Variants in HCN1 observed in about 807,000 individuals in gnomAD.
HCN1 encodes hyperpolarization activated cyclic nucleotide gated potassium channel 1.
HCN1 carries 13 observed loss-of-function variants against 78.9 expected under a neutral mutation model. The ratio of observed to expected loss-of-function variants is 0.16; its 90% CI spans 0.11 to 0.26. The LOEUF is 0.26. Among genes scored for constraint, HCN1 ranks in the 10% least tolerant of loss-of-function variants. The probability of loss-of-function intolerance (pLI) is 1.00; values close to 1 mark genes in which losing one functional copy is unlikely to be tolerated. For synonymous variants in HCN1, 552 were observed against 455.5 expected (o/e 1.21, Z -2.70); for missense variants, 810 against 1,154.3 (o/e 0.70, Z 4.32).
At chr5:45,584,243 T>C (rs1744151200) in intron 2 of HCN1, among the ~76,000 whole-genome samples, 4 of 150,672 alleles carry the variant, frequency 2.7e-5, no homozygotes, top group South Asian at 2.1e-4. Context: ...TTTAGGATAG[T>C]TAGCTCTTCT....
At chr5:45,454,701 C>T (rs924153693) in intron 3 of HCN1, among the ~76,000 whole-genome samples, 2 of 151,908 alleles carry the variant, frequency 1.3e-5, no homozygotes, top group Non-Finnish European at 2.9e-5. Flanking sequence ...TTATGTCAAT[C>T]AGTCATTACC....
At chr5:45,347,700 G>A (rs1435187561) in intron 5 of HCN1, among the ~76,000 whole-genome samples, 2 of 152,112 alleles carry the variant, frequency 1.3e-5, no homozygotes, top group South Asian at 2.1e-4. Context: ...GCCAAGGCTC[G>A]AGAACTACGT....
rs139994186 is a variant in HCN1, at chr5:45,413,402, G to A, written c.1012-16692C>T. Among the ~76,000 whole-genome samples the A allele has an allele frequency of 1.0e-3, 152 of 152,090 alleles. 1 individual carries two copies. The East Asian group carries it at 0.024, about 24-fold the overall frequency. ...TATTGATATTCTTTGTAAACCAGTC[G>A]GTGCCTTGAGAGAATAAATAATAGC... On this transcript the variant is annotated intron_variant, in intron 3 of 7. Transcript: ENST00000303230.
chr5:45,558,725 G>C (rs1743528494), intron 2 of HCN1: 1 of 151,836 alleles, frequency 6.6e-6, no homozygotes, highest in African/African-American at 2.4e-5. Context: ...TCTACAAGTG[G>C]AATTTAAAAA....
At chr5:45,303,281 C>A (rs1745663717) in intron 6 of HCN1, among the ~76,000 whole-genome samples, 1 of 152,192 alleles carries the variant, frequency 6.6e-6, no homozygotes, top group South Asian at 2.1e-4. Flanking sequence ...GTGGAGATGA[C>A]AAAAACGAAA....
intron 4 of HCN1, among the ~76,000 whole-genome samples, chr5:45,391,199 A>G (rs2112035093): frequency 6.6e-6 from 1 of 152,298 alleles, no homozygotes; most frequent in Admixed American, 6.5e-5. Context: ...GCTTGATTGA[A>G]AGCACTTGGA....
chr5:45,438,645 C>T (rs1010683203), intron 3 of HCN1, among the ~76,000 whole-genome samples: 1 of 150,390 alleles, frequency 6.6e-6, no homozygotes, highest in African/African-American at 2.4e-5. Context: ...ACAACAAAAA[C>T]AACAAAACAC....
intron 1 of HCN1, among the ~76,000 whole-genome samples, chr5:45,687,489 A>C (rs760031524): frequency 6.6e-6 from 1 of 152,096 alleles, no homozygotes; most frequent in Non-Finnish European, 1.5e-5. Context: ...CCTAGACTTT[A>C]TCTGCTAACA....
intron 2 of HCN1, among the ~76,000 whole-genome samples, chr5:45,638,409 T>A (rs10214369): frequency 0.27 from 41,189 of 152,024 alleles, 5,681 homozygotes; most frequent in East Asian, 0.32. Flanking sequence ...TTAAGAAGGC[T>A]GAATGTTTTA....
chr5:45,272,553 C>A (rs1226671235), intron 6 of HCN1, among the ~76,000 whole-genome samples: 1 of 151,992 alleles, frequency 6.6e-6, no homozygotes, highest in African/African-American at 2.4e-5. Flanking sequence ...CTTATGCATA[C>A]CCCAATTACA....
intron 5 of HCN1, among the ~76,000 whole-genome samples, chr5:45,339,039 CT>C (rs1746520999): frequency 6.6e-6 from 1 of 152,112 alleles, no homozygotes; most frequent in Non-Finnish European, 1.5e-5. Flanking sequence ...CTGTTTTCAC[CT>C]TTACAAGGTG....
chr5:45,610,682 T>G (rs1744815552), intron 2 of HCN1, among the ~76,000 whole-genome samples: 1 of 151,212 alleles, frequency 6.6e-6, no homozygotes, highest in African/African-American at 2.4e-5. Context: ...TCTGTACTTT[T>G]GTATCCCATA....
At chr5:45,325,862 T>A (rs1746224583) in intron 5 of HCN1, among the ~76,000 whole-genome samples, 1 of 151,674 alleles carries the variant, frequency 6.6e-6, no homozygotes, top group African/African-American at 2.4e-5. Context: ...CTGTCTTATT[T>A]TTTAAAGAGA....
chr5:45,653,945 A>C (rs953191416), intron 1 of HCN1, among the ~76,000 whole-genome samples: 1 of 152,068 alleles, frequency 6.6e-6, no homozygotes, highest in African/African-American at 2.4e-5. Flanking sequence ...AAATAAATAT[A>C]ATCATTTGTT....
At chr5:45,643,668 T>C (rs1298055917) in intron 2 of HCN1, 1 of 152,156 alleles carries the variant, frequency 6.6e-6, no homozygotes, top group African/African-American at 2.4e-5. Context: ...AGTTACCTTA[T>C]TGTATTTAAT....
intron 2 of HCN1, among the ~76,000 whole-genome samples, chr5:45,616,570 A>C (rs775890319): frequency 2.0e-5 from 3 of 152,034 alleles, no homozygotes; most frequent in Admixed American, 1.3e-4. Flanking sequence ...GAACACTTTC[A>C]AAGTGATATA....
chr5:45,377,508 C>A (rs188483700), intron 4 of HCN1, among the ~76,000 whole-genome samples: 1 of 151,778 alleles, frequency 6.6e-6, no homozygotes, highest in South Asian at 2.1e-4. Flanking sequence ...TCACTTGCAA[C>A]CTAATCTTTA....
intron 7 of HCN1, among the ~76,000 whole-genome samples, chr5:45,264,642 T>G (rs1204571048): frequency 6.6e-6 from 1 of 152,216 alleles, no homozygotes; most frequent in African/African-American, 2.4e-5. Flanking sequence ...AATGCTTATT[T>G]AGCATATTTG....
At chr5:45,566,513 G>C (rs918216525) in intron 2 of HCN1, among the ~76,000 whole-genome samples, 1 of 151,980 alleles carries the variant, frequency 6.6e-6, no homozygotes, top group Non-Finnish European at 1.5e-5. Flanking sequence ...TCATATCAAA[G>C]GGCAGCTGCA....
Sources: gnomAD v4.1 joint callset for allele counts (sites outside exome capture counted in the v4.1 genomes callset) on GRCh38, gnomAD v4.1.1 for gene constraint, MANE v1.5 for transcripts, NCBI Gene and HGNC (gene_info 2026-07-23, HGNC 2026-07-21) for gene names.